TSBP1: variants seen among roughly 807,000 people sequenced by gnomAD.
TSBP1 encodes the protein testis-expressed basic protein 1.
Under a neutral mutation model 68.8 loss-of-function variants are expected in TSBP1, and 56 were observed. That is an observed-to-expected ratio of 0.81 (90% CI 0.66 to 1.02). The LOEUF is 1.02. Among genes scored for constraint, TSBP1 ranks in the 50% least tolerant of loss-of-function variants. The probability of loss-of-function intolerance (pLI) is 0.00; values close to 1 mark genes in which losing one functional copy is unlikely to be tolerated. For synonymous variants in TSBP1, 171 were observed against 208.7 expected, an observed-to-expected ratio of 0.82 and a Z score of 1.56; for missense variants, 502 against 641.2, an observed-to-expected ratio of 0.78 and a Z score of 2.34.
At position 32,325,339 on chromosome 6, in the gene TSBP1, C is replaced by A; in HGVS notation, c.515-1725G>T. The A allele has an allele frequency of 9.2e-7, 1 of 1,082,462 alleles. No homozygotes were observed. Among genetic ancestry groups the A allele is most frequent in the Non-Finnish European group, 1.4e-6 (1 of 712,880 alleles). The allele number at this position is 1,082,462 out of a possible 1,614,324, so 67.1% of individuals were successfully genotyped here. On this transcript the variant is annotated intron_variant, in intron 16 of 22. Coordinates refer to ENST00000612031, the Ensembl canonical transcript of TSBP1. The surrounding 1 kb of genome is among the most constrained non-coding windows in gnomAD (Gnocchi z 4.4). Reference sequence around the variant, plus strand: ...CCATTTTGAGCAGTGAGGGACACTCCCGGACAGTGTGGTCATGAGAGATCC... The same window carrying A: ...CCATTTTGAGCAGTGAGGGACACTCACGGACAGTGTGGTCATGAGAGATCC...
chr6:32,359,432 C>T (rs1772743547), intron 6 of TSBP1, among the ~76,000 whole-genome samples: 1 of 152,170 alleles, frequency 6.6e-6, no homozygotes, highest in Non-Finnish European at 1.5e-5. Flanking sequence ...CTTTTGGCTG[C>T]ATAAATGTCT....
intron 16 of TSBP1, among the ~76,000 whole-genome samples, chr6:32,329,060 T>C (rs1768609850): frequency 6.6e-6 from 1 of 152,242 alleles, no homozygotes; most frequent in Non-Finnish European, 1.5e-5. Flanking sequence ...TTACTAGGGC[T>C]GTTGCGAGCC....
Position 32,335,356 on chromosome 6 carries a change from C to T in TSBP1, c.472+81G>A. On this transcript the variant is annotated intron_variant, in intron 14 of 22. Coordinates refer to ENST00000612031, the Ensembl canonical transcript of TSBP1. This position sits in a 1 kb window ranked among gnomAD's most constrained non-coding sequence, Gnocchi z 5.5. ...AGGACTTGATCCTTGAGTCCTTGGG[C>T]ATGAATAATTGAAATAAAAATAGAT... The T allele has an allele frequency of 1.5e-6, 2 of 1,317,512 alleles. No homozygotes were observed. Among genetic ancestry groups the T allele is most frequent in the Non-Finnish European group, 1.0e-6 (1 of 989,580 alleles). 81.6% of individuals were successfully genotyped at this position (1,317,512 alleles called of 1,614,324 possible).
intron 22 of TSBP1, 132 bp downstream of exon 25, chr6:32,299,790 T>C: frequency 1.4e-6 from 1 of 739,556 alleles, no homozygotes; most frequent in South Asian, 1.6e-5. Context: ...ACCTTGGAAG[T>C]TTCTGGAAGA....
At position 32,316,694 on chromosome 6, in the gene TSBP1, A is replaced by G. The variant is rs1194574882; in HGVS notation, c.560-902T>C. Among the ~76,000 whole-genome samples the G allele has an allele frequency of 6.6e-6, 1 of 152,206 alleles. No individual in the cohort carries two copies. Among genetic ancestry groups the G allele is most frequent in the Non-Finnish European group, 1.5e-5 (1 of 68,044 alleles). On this transcript the variant is annotated intron_variant, in intron 18 of 22. Coordinates refer to ENST00000612031, the Ensembl canonical transcript of TSBP1. The surrounding 1 kb of genome is among the most constrained non-coding windows in gnomAD (Gnocchi z 4.5). The stretch of plus-strand genomic sequence containing the variant: ...ATTCTATAGGAGGTGCAAAGTACAT[A>G]TGTGTTTGAAATCATGTAAATGTAA...
At chr6:32,330,034 G>A (rs1768754360) in intron 16 of TSBP1, among the ~76,000 whole-genome samples, 1 of 152,082 alleles carries the variant, frequency 6.6e-6, no homozygotes, top group Non-Finnish European at 1.5e-5. Flanking sequence ...TTTGTCGTGC[G>A]TGTGTGTGCG....
intron 8 of TSBP1, among the ~76,000 whole-genome samples, chr6:32,352,389 CAT>C (rs1771820895): frequency 6.6e-6 from 1 of 151,592 alleles, no homozygotes; most frequent in South Asian, 2.1e-4. Context: ...AAATAGTACA[CAT>C]GTTACAAATA....
chr6:32,346,865 T>C (rs1370600189), intron 9 of TSBP1, among the ~76,000 whole-genome samples: 3 of 152,126 alleles, frequency 2.0e-5, no homozygotes, highest in Non-Finnish European at 4.4e-5. Flanking sequence ...GTATCTCAGA[T>C]GTTGCTCAAA....
At chr6:32,296,430 T>C (rs1186578905) in intron 22 of TSBP1, among the ~76,000 whole-genome samples, 1 of 152,256 alleles carries the variant, frequency 6.6e-6, no homozygotes, top group African/African-American at 2.4e-5. Context: ...CACCTAGAGT[T>C]CTTCATTAAA....
chr6:32,325,182 AAG>A lies in TSBP1; in HGVS notation c.515-1570_515-1569del, dbSNP rs548799780. ...GCCTTTCTGCCCATGGATGCCATGG[AAG>A]AAGCATCATTAAAGTCTCTCTTCTC... On this transcript the variant is annotated intron_variant, in intron 16 of 22. Coordinates refer to ENST00000612031, the Ensembl canonical transcript of TSBP1. The surrounding 1 kb of genome is among the most constrained non-coding windows in gnomAD (Gnocchi z 4.4). 2,554 of 563,314 alleles carry A rather than the reference AAG, an allele frequency of 4.5e-3. 12 individuals are homozygous for A. Among genetic ancestry groups the A allele is most frequent in the Non-Finnish European group, 6.9e-3 (2,207 of 319,550 alleles). The allele number at this position is 563,314 out of a possible 1,614,324, so 34.9% of individuals were successfully genotyped here.
intron 14 of TSBP1, among the ~76,000 whole-genome samples, chr6:32,332,504 C>T (rs1769157248): frequency 6.6e-6 from 1 of 152,214 alleles, no homozygotes; most frequent in African/African-American, 2.4e-5. Flanking sequence ...TTCTTCTTCT[C>T]ACAGCTTCCA....
chr6:32,296,284 T>A (rs1194783099), intron 22 of TSBP1, among the ~76,000 whole-genome samples: 1 of 152,234 alleles, frequency 6.6e-6, no homozygotes, highest in Non-Finnish European at 1.5e-5. Flanking sequence ...CTGTATTAGA[T>A]AAGAAACTAA....
At chr6:32,312,305 T>G (rs1433199301) in intron 19 of TSBP1, among the ~76,000 whole-genome samples, 1 of 151,802 alleles carries the variant, frequency 6.6e-6, no homozygotes, top group Non-Finnish European at 1.5e-5. Flanking sequence ...GCCTCAACAG[T>G]GGGAATTATA....
At position 32,338,000 on chromosome 6, in the gene TSBP1, A is replaced by G. The variant is rs1031699955; in HGVS notation, c.409+979T>C. On this transcript the variant is annotated intron_variant, in intron 11 of 22. Coordinates refer to ENST00000612031, the Ensembl canonical transcript of TSBP1. This position sits in a 1 kb window ranked among gnomAD's most constrained non-coding sequence, Gnocchi z 5.5. Reference sequence around the variant, plus strand: ...GGGCTCAAGCTCTGAACATCCTCAAAAATGAAGGATAGAAATGTGTTAAGA... The same window carrying G: ...GGGCTCAAGCTCTGAACATCCTCAAGAATGAAGGATAGAAATGTGTTAAGA... Among the ~76,000 whole-genome samples the G allele has an allele frequency of 6.6e-6, 1 of 152,160 alleles. No homozygotes were observed. Among genetic ancestry groups the G allele is most frequent in the Non-Finnish European group, 1.5e-5 (1 of 68,018 alleles).
intron 8 of TSBP1, among the ~76,000 whole-genome samples, chr6:32,354,314 T>C (rs1174856789): frequency 6.6e-6 from 1 of 152,056 alleles, no homozygotes; most frequent in Admixed American, 6.5e-5. Context: ...CACTAGCTAG[T>C]AAGCCTATGA....
In TSBP1 at chr6:32,338,997, T is replaced by C. The variant is rs1236398477; in HGVS notation, c.391A>G (p.Arg131Gly). Residue 131 changes from arginine to glycine, a missense_variant and splice_region_variant, in exon 11 of 23, where the codon AGA becomes GGA. Coordinates refer to ENST00000612031, the Ensembl canonical transcript of TSBP1. The surrounding 1 kb of genome is among the most constrained non-coding windows in gnomAD (Gnocchi z 5.5). ...AACTTACTCATGGCTCCTGCAGTTC[T>C]GGCTAAAATACAAACAAAAAAGGTG... 6.2e-7 allele frequency: 1 copy of C among 1,611,958 alleles called. No individual in the cohort carries two copies. The highest frequency in any genetic ancestry group is 1.1e-5 in the South Asian group (1 of 91,048).
At chr6:32,326,336 A>C (rs1768216220) in intron 16 of TSBP1, among the ~76,000 whole-genome samples, 1 of 152,208 alleles carries the variant, frequency 6.6e-6, no homozygotes, top group Non-Finnish European at 1.5e-5. Context: ...TATGGGCAAA[A>C]AACTCGAGGA....
rs1765632366 is a variant in TSBP1 at position 32,304,852 on chromosome 6, C to G, written c.581-2223G>C. The stretch of plus-strand genomic sequence containing the variant: ...TAAAACTCTTCAAGAGTTAGTAATA[C>G]TTATTTTAAGTTTTGCTTCTTTTAC... On this transcript the variant is annotated intron_variant, in intron 19 of 22. Transcript: ENST00000612031. The surrounding 1 kb of genome is among the most constrained non-coding windows in gnomAD (Gnocchi z 4.8). Among the ~76,000 whole-genome samples the G allele has an allele frequency of 6.6e-6, 1 of 151,982 alleles. No homozygotes were observed. The highest frequency in any genetic ancestry group is 1.9e-4 in the East Asian group (1 of 5,192).
chr6:32,303,440 A>ATTTCTT (rs9281728), intron 19 of TSBP1, among the ~76,000 whole-genome samples: 2 of 151,254 alleles, frequency 1.3e-5, no homozygotes, highest in African/African-American at 2.4e-5. Context: ...TCCCTGGTAA[A>ATTTCTT]TTTCTTTGCA....
Sources: gnomAD v4.1 joint callset for allele counts (sites outside exome capture counted in the v4.1 genomes callset) on GRCh38, gnomAD v4.1.1 for gene constraint, Gnocchi (gnomAD v3.1) non-coding constraint, MANE v1.5 for transcripts, NCBI Gene and HGNC (gene_info 2026-07-23, HGNC 2026-07-21) for gene names.